Variants in MTCL2 observed in about 807,000 individuals in gnomAD.
MTCL2 encodes the protein microtubule crosslinking factor 2.
the MTCL2 span, among the ~76,000 whole-genome samples, chr20:36,857,840 A>G: frequency 6.6e-6 from 1 of 152,186 alleles, no homozygotes; most frequent in Non-Finnish European, 1.5e-5. Flanking sequence ...AGGGATCGGC[A>G]ATGACTGGGA....
the MTCL2 span, among the ~76,000 whole-genome samples, chr20:36,844,400 A>AT: frequency 0.049 from 7,156 of 145,088 alleles, 223 homozygotes; most frequent in Admixed American, 0.099. Context: ...TACAAAAAAA[A>AT]AATAATAATA....
chr20:36,785,059 C>T, the MTCL2 span: 37 of 985,322 alleles, frequency 3.8e-5, no homozygotes, highest in Non-Finnish European at 4.5e-5. Context: ...TGATGGCCGT[C>T]CAGCCCTCCA....
the MTCL2 span, among the ~76,000 whole-genome samples, chr20:36,843,906 A>T: frequency 2.0e-5 from 3 of 152,076 alleles, no homozygotes; most frequent in African/African-American, 4.8e-5. Context: ...TTTGGAAATC[A>T]TTTTTTTTAA....
At chr20:36,798,622 G>A in the MTCL2 span, among the ~76,000 whole-genome samples, 8 of 152,296 alleles carry the variant, frequency 5.3e-5, no homozygotes, top group African/African-American at 1.2e-4. Flanking sequence ...CCAAAAGACC[G>A]GCCCAAAAGG....
the MTCL2 span, among the ~76,000 whole-genome samples, chr20:36,828,045 G>T: frequency 6.6e-6 from 1 of 152,222 alleles, no homozygotes; most frequent in African/African-American, 2.4e-5. Flanking sequence ...GGGCTGTGGT[G>T]TCTCAGTCCA....
chr20:36,849,758 A>G, the MTCL2 span, among the ~76,000 whole-genome samples: 765 of 152,092 alleles, frequency 5.0e-3, 11 homozygotes, highest in East Asian at 0.033. Context: ...CAGCGGGGGG[A>G]AGTTTAGATT....
chr20:36,827,976 T>C, the MTCL2 span, among the ~76,000 whole-genome samples: 8,261 of 152,232 alleles, frequency 0.054, 802 homozygotes, highest in African/African-American at 0.19. Context: ...TGAGAGGGCA[T>C]TGGCACATCA....
chr20:36,855,163 G>C, the MTCL2 span, among the ~76,000 whole-genome samples: 3 of 152,316 alleles, frequency 2.0e-5, no homozygotes, highest in Middle Eastern at 3.4e-3. Context: ...AGCCAGACCT[G>C]GCTAATGGGA....
At chr20:36,817,314 G>T in the MTCL2 span, 2 of 1,078,190 alleles carry the variant, frequency 1.9e-6, no homozygotes, top group Non-Finnish European at 2.7e-6. Context: ...TGAGCAAGGG[G>T]AGGACAGGGC....
At chr20:36,811,154 T>G in the MTCL2 span, among the ~76,000 whole-genome samples, 1 of 152,226 alleles carries the variant, frequency 6.6e-6, no homozygotes, top group African/African-American at 2.4e-5. Context: ...ATCTTCTATA[T>G]CTGTTTTGCA....
the MTCL2 span, among the ~76,000 whole-genome samples, chr20:36,791,492 T>C: frequency 1.3e-5 from 2 of 152,196 alleles, no homozygotes; most frequent in Non-Finnish European, 2.9e-5. Context: ...AATAGAAAAG[T>C]AGAATGTTTG....
the MTCL2 span, among the ~76,000 whole-genome samples, chr20:36,846,239 G>A: frequency 4.0e-5 from 6 of 151,562 alleles, no homozygotes; most frequent in Admixed American, 3.9e-4. Flanking sequence ...AACACCACTG[G>A]GGAAACCCCA....
the MTCL2 span, among the ~76,000 whole-genome samples, chr20:36,849,190 T>A: frequency 2.7e-5 from 4 of 149,730 alleles, no homozygotes; most frequent in Non-Finnish European, 5.9e-5. Flanking sequence ...GCCTCCCGAG[T>A]AGCTGGGATT....
At chr20:36,790,359 T>C in the MTCL2 span, among the ~76,000 whole-genome samples, 9,134 of 150,978 alleles carry the variant, frequency 0.06, 969 homozygotes, top group African/African-American at 0.21. Flanking sequence ...AACTCCTGGC[T>C]TCAAGCAATC....
At chr20:36,847,530 ACT>A in the MTCL2 span, among the ~76,000 whole-genome samples, 1 of 152,168 alleles carries the variant, frequency 6.6e-6, no homozygotes, top group Non-Finnish European at 1.5e-5. Context: ...GGTACCTGTC[ACT>A]GTCTATGGGT....
the MTCL2 span, chr20:36,815,532 T>A: frequency 1.7e-3 from 2,645 of 1,574,594 alleles, 31 homozygotes; most frequent in African/African-American, 0.032. This position sits in a 1 kb window ranked among gnomAD's most constrained non-coding sequence, Gnocchi z 5.3. Context: ...ATGGGACTCG[T>A]GTGTCTCGCC....
chr20:36,786,905 A>G, the MTCL2 span, among the ~76,000 whole-genome samples: 20 of 152,330 alleles, frequency 1.3e-4, no homozygotes, highest in African/African-American at 4.6e-4. Context: ...GATTCTTAAC[A>G]TACATTTACC....
At chr20:36,820,154 C>T in the MTCL2 span, among the ~76,000 whole-genome samples, 3 of 152,148 alleles carry the variant, frequency 2.0e-5, no homozygotes, top group African/African-American at 7.2e-5. Context: ...CCTTGCAACG[C>T]TGAGTTTATG....
chr20:36,863,065 C>T, the MTCL2 span: 1 of 1,404,470 alleles, frequency 7.1e-7, no homozygotes, highest in Non-Finnish European at 9.3e-7. This position sits in a 1 kb window ranked among gnomAD's most constrained non-coding sequence, Gnocchi z 6.2. Flanking sequence ...GCACGGACCC[C>T]GGTGCGGACC....
Sources: allele counts gnomAD v4.1 joint callset (sites outside exome capture counted in the v4.1 genomes callset), GRCh38; gene constraint gnomAD v4.1.1; non-coding constraint Gnocchi (gnomAD v3.1); transcripts MANE v1.5; gene names NCBI Gene and HGNC (gene_info 2026-07-23, HGNC 2026-07-21).